Variants in GHITM observed in about 807,000 individuals in gnomAD.
GHITM encodes the protein growth hormone-inducible transmembrane protein.
In GHITM, 24 loss-of-function variants were observed where a neutral mutation model predicts 38.7. The ratio of observed to expected loss-of-function variants is 0.62; its 90% CI spans 0.45 to 0.87. The LOEUF (loss-of-function observed/expected upper bound fraction) is 0.87. GHITM is among the 40% of genes least tolerant of loss of function. GHITM has a pLI of 0.00. For synonymous variants in GHITM, 154 were observed against 147.8 expected, an observed-to-expected ratio of 1.04 and a Z score of -0.30; for missense variants, 420 against 429.8, an observed-to-expected ratio of 0.98 and a Z score of 0.20.
intron 4 of GHITM, among the ~76,000 whole-genome samples, chr10:84,144,460 A>T (rs1281353166): frequency 6.6e-6 from 1 of 152,052 alleles, no homozygotes; most frequent in Non-Finnish European, 1.5e-5. Context: ...GGTTCAGGCA[A>T]TTCTCCTGCC....
intron 1 of GHITM, chr10:84,140,407 T>TA (rs1841494747): frequency 6.6e-6 from 1 of 152,186 alleles, no homozygotes; most frequent in Non-Finnish European, 1.5e-5. Context: ...TTCTTGGTCT[T>TA]ATTCCTAGGG....
In GHITM at chr10:84,150,737, G is replaced by A. The variant is rs1841603604; in HGVS notation, c.810G>A (p.Val270=). The A allele has an allele frequency of 2.5e-6, 4 of 1,610,868 alleles. No homozygotes were observed. ...LGSMFLPPTT[V]AGATLYSVAM... is the part of the protein sequence containing the mutation. ...CTATGTTTCTTCCACCTACCACCGT[G>A]GCTGGTGCCACTCTTTACTCAGTGG... is the stretch of plus-strand genomic sequence containing the variant. The change falls in exon 8 of 9, where the codon GTG becomes GTA. Residue 270 remains valine, a synonymous_variant. Transcript: ENST00000372134.
Position 84,141,487 on chromosome 10 carries a change from G to A in GHITM, c.-14G>A. 1 of 1,613,178 alleles carries A rather than the reference G, an allele frequency of 6.2e-7. No homozygotes were observed. The highest frequency in any genetic ancestry group is 8.5e-7 in the Non-Finnish European group (1 of 1,179,374). On this transcript the variant is annotated 5_prime_UTR_variant, in exon 2 of 9. Transcript: ENST00000372134. ...CATTTCAGATCTGCTCGGTAGACCT[G>A]GTGCACCACCACCATGTTGGCTGCA...
intron 5 of GHITM, among the ~76,000 whole-genome samples, chr10:84,148,100 C>T (rs10887245): frequency 0.14 from 20,610 of 151,872 alleles, 1,707 homozygotes; most frequent in East Asian, 0.35. Context: ...TTTTGTTTCA[C>T]CTCTGTCCAA....
chr10:84,150,130 C>T lies in GHITM; in HGVS notation c.668C>T (p.Ala223Val), dbSNP rs1841596878. Residue 223 changes from alanine to valine, a missense_variant, in exon 7 of 9, where the codon GCT becomes GTT. Transcript: ENST00000372134. ...CTCATCAGAGCTGCATGGTACACAGCTGGCATTGTGGGAGGCCTCTCCACT... is the reference window on the plus strand; with the variant it reads ...CTCATCAGAGCTGCATGGTACACAGTTGGCATTGTGGGAGGCCTCTCCACT... ...PLLIRAAWYT[A>V]GIVGGLSTVA... 1 of 1,614,024 alleles carries T rather than the reference C, an allele frequency of 6.2e-7. No individual in the cohort carries two copies. The highest frequency in any genetic ancestry group is 2.2e-5 in the East Asian group (1 of 44,882).
At chr10:84,148,648 A>G in intron 5 of GHITM, 82 bp from the exon 6 acceptor site, 2 of 801,312 alleles carry the variant, frequency 2.5e-6, no homozygotes, top group Non-Finnish European at 4.3e-6. Flanking sequence ...TATTAGAAGT[A>G]ACTAATTGTA....
chr10:84,152,156 C>A (rs2132745648), intron 8 of GHITM, 108 bp from the exon 9 acceptor site: 1 of 570,584 alleles, frequency 1.8e-6, no homozygotes, highest in Non-Finnish European at 3.1e-6. Context: ...TTTTAATTTC[C>A]ATTTTATATC....
chr10:84,142,225 AGGAAAGAT>A (rs1235779017), intron 2 of GHITM, among the ~76,000 whole-genome samples: 5 of 152,242 alleles, frequency 3.3e-5, no homozygotes, highest in African/African-American at 1.2e-4. Context: ...CTTCATGTTA[AGGAAAGAT>A]GCTGTTCTTG....
intron 8 of GHITM, among the ~76,000 whole-genome samples, chr10:84,151,512 G>C (rs1328857100): frequency 6.6e-6 from 1 of 152,088 alleles, no homozygotes; most frequent in Non-Finnish European, 1.5e-5. Flanking sequence ...GTATTTTGCA[G>C]ACTTTAAAAC....
chr10:84,150,926 A>G (rs771768341), intron 8 of GHITM, 46 bp downstream of exon 8: 37 of 1,346,230 alleles, frequency 2.7e-5, no homozygotes, highest in Non-Finnish European at 3.7e-5. Context: ...TCACATAAGG[A>G]TGCTTGTGTG....
intron 6 of GHITM, 94 bp downstream of exon 6, chr10:84,148,932 G>A (rs7069909): frequency 0.73 from 542,389 of 739,572 alleles, 200,138 homozygotes; most frequent in African/African-American, 0.87. Flanking sequence ...TGGAATTTAA[G>A]CCTCATGTTT....
chr10:84,149,984 A>G (rs1440337994), intron 6 of GHITM, 71 bp from the exon 7 acceptor site: 1 of 1,190,724 alleles, frequency 8.4e-7, no homozygotes, highest in African/African-American at 1.5e-5. Context: ...ATAAAGTGGC[A>G]TGTTAGAAGT....
rs368204648 is a variant in GHITM at position 84,144,961 on chromosome 10, T to C, written c.428T>C (p.Ile143Thr). ...GSIGLTALSA[I>T]AISRTPVLMN... is the part of the protein sequence containing the mutation. ...ATTGGTTTAACAGCTTTGTCTGCCA[T>C]AGCAATCAGCAGAACGCCTGTTCTC... Residue 143 changes from isoleucine (I) to threonine (T), a missense_variant, in exon 5 of 9, where the codon ATA becomes ACA. Transcript: ENST00000372134. 2.4e-5 allele frequency: 38 copies of C among 1,611,508 alleles called. No individual in the cohort carries two copies. The highest frequency in any genetic ancestry group is 3.1e-5 in the Non-Finnish European group (37 of 1,177,968).
chr10:84,142,373 A>G (rs1368257942), intron 2 of GHITM, among the ~76,000 whole-genome samples: 4 of 152,262 alleles, frequency 2.6e-5, no homozygotes, highest in South Asian at 4.1e-4. Context: ...ATGTAAATCT[A>G]TAGTTTGTGA....
intron 5 of GHITM, 44 bp from the exon 6 acceptor site, chr10:84,148,686 T>A (rs1841581212): frequency 1.7e-6 from 2 of 1,211,100 alleles, no homozygotes; most frequent in African/African-American, 3.0e-5. Flanking sequence ...TCTGCTTTGT[T>A]TTCATATAAA....
At chr10:84,144,308 A>G (rs1050304283) in intron 4 of GHITM, among the ~76,000 whole-genome samples, 1 of 152,198 alleles carries the variant, frequency 6.6e-6, no homozygotes, top group African/African-American at 2.4e-5. Flanking sequence ...TAGCAAGGTT[A>G]TATGTGTTTA....
At chr10:84,140,568 A>G (rs1387981283) in intron 1 of GHITM, 1 of 152,200 alleles carries the variant, frequency 6.6e-6, no homozygotes, top group East Asian at 1.9e-4. Context: ...GAAGTATATC[A>G]CTTGCCTAGA....
chr10:84,146,597 G>T (rs1841558817), intron 5 of GHITM, among the ~76,000 whole-genome samples: 1 of 152,132 alleles, frequency 6.6e-6, no homozygotes, highest in Non-Finnish European at 1.5e-5. Context: ...CAGCCCAGAG[G>T]TTCACAAAGG....
At chr10:84,140,957 A>G (rs150794462) in intron 1 of GHITM, among the ~76,000 whole-genome samples, 85 of 152,342 alleles carry the variant, frequency 5.6e-4, no homozygotes, top group Non-Finnish European at 1.1e-3. Context: ...TGAAATTCAT[A>G]TAGTTGGCTT....
Sources: gnomAD v4.1 joint callset for allele counts (sites outside exome capture counted in the v4.1 genomes callset) on GRCh38, gnomAD v4.1.1 for gene constraint, MANE v1.5 for transcripts, NCBI Gene and HGNC (gene_info 2026-07-23, HGNC 2026-07-21) for gene names.